Variants in PCDHGA4 observed in about 807,000 individuals in gnomAD.
PCDHGA4 encodes protocadherin gamma-A4.
In PCDHGA4, 38 loss-of-function variants were observed where a neutral mutation model predicts 54.6. The ratio of observed to expected loss-of-function variants is 0.70; its 90% CI spans 0.54 to 0.91. PCDHGA4 has a LOEUF of 0.91. Among genes scored for constraint, PCDHGA4 ranks in the 40% least tolerant of loss-of-function variants. The probability of loss-of-function intolerance (pLI) is 0.00; values close to 1 mark genes in which losing one functional copy is unlikely to be tolerated. For synonymous variants in PCDHGA4, 511 were observed against 512.9 expected (o/e 1.00, Z 0.05); for missense variants, 1,298 against 1,220.9 (o/e 1.06, Z -0.94).
In PCDHGA4 at chr5:141,477,928, C is replaced by T; in HGVS notation, c.2515-16879C>T. On this transcript the variant is annotated intron_variant, in intron 1 of 3. Coordinates refer to ENST00000571252, the MANE Select transcript of PCDHGA4 (RefSeq NM_018917.4). This position sits in a 1 kb window ranked among gnomAD's most constrained non-coding sequence, Gnocchi z 4.9. ...GGGACGCGGATGCAGGGCACAATGC[C>T]TGGCTCTCCTACAGTCTCTTGGGAT... The T allele has an allele frequency of 6.2e-7, 1 of 1,614,186 alleles. No individual in the cohort carries two copies.
At chr5:141,402,971 T>A (rs1589470573) in intron 1 of PCDHGA4, 1 of 1,608,252 alleles carries the variant, frequency 6.2e-7, no homozygotes, top group East Asian at 2.2e-5. Flanking sequence ...TCCAACCAAA[T>A]GCCAGCTCCG....
intron 1 of PCDHGA4, among the ~76,000 whole-genome samples, chr5:141,379,925 A>T (rs1776079128): frequency 2.1e-5 from 1 of 48,106 alleles, no homozygotes; most frequent in East Asian, 5.2e-4. Context: ...TTTTTGTCAG[A>T]GTCTTGCTCT....
At position 141,487,421 on chromosome 5, in the gene PCDHGA4, C is replaced by A. The variant is rs1365581881; in HGVS notation, c.2515-7386C>A. On this transcript the variant is annotated intron_variant, in intron 1 of 3. Coordinates refer to ENST00000571252, the MANE Select transcript of PCDHGA4 (RefSeq NM_018917.4). This position sits in a 1 kb window ranked among gnomAD's most constrained non-coding sequence, Gnocchi z 5.0. ...GGGGCTTCCCCCTTCCAATGGGATC[C>A]TCCGAATCCAGCTAGGGTCAGATGA... 2 of 1,614,026 alleles carry A rather than the reference C, an allele frequency of 1.2e-6. No individual in the cohort carries two copies. Among genetic ancestry groups the A allele is most frequent in the South Asian group, 1.1e-5 (1 of 91,086 alleles).
At chr5:141,364,161 C>T in intron 1 of PCDHGA4, 2 of 652,296 alleles carry the variant, frequency 3.1e-6, no homozygotes, top group Non-Finnish European at 4.6e-6. Flanking sequence ...GCCGCAGAGG[C>T]GACCCGACTC....
chr5:141,489,994 C>A lies in PCDHGA4; in HGVS notation c.2515-4813C>A, dbSNP rs1307285048. The A allele has an allele frequency of 1.2e-5, 19 of 1,614,192 alleles. No individual in the cohort carries two copies. The highest frequency in any genetic ancestry group is 1.6e-4 in the Middle Eastern group (1 of 6,062). On this transcript the variant is annotated intron_variant, in intron 1 of 3. Transcript: ENST00000571252. This position sits in a 1 kb window ranked among gnomAD's most constrained non-coding sequence, Gnocchi z 4.5. Reference sequence around the variant, plus strand: ...ATCCTCAGTTCTACGTGTGGGAATCCCAGAGAATGCACCCATTGGTACTCT... The same window carrying A: ...ATCCTCAGTTCTACGTGTGGGAATCACAGAGAATGCACCCATTGGTACTCT...
chr5:141,500,271 C>T (rs936454651), intron 2 of PCDHGA4, among the ~76,000 whole-genome samples: 3 of 151,598 alleles, frequency 2.0e-5, no homozygotes, highest in African/African-American at 7.3e-5. Flanking sequence ...TGCAGTGGCG[C>T]AATCTCGGCT....
chr5:141,370,507 C>T, intron 1 of PCDHGA4: 3 of 1,613,920 alleles, frequency 1.9e-6, no homozygotes, highest in Non-Finnish European at 2.5e-6. Context: ...TACGCTATTC[C>T]CGAGGAGCTG....
chr5:141,381,932 C>T lies in PCDHGA4; in HGVS notation c.2514+24311C>T, dbSNP rs1205042648. Among the ~76,000 whole-genome samples the T allele has an allele frequency of 2.1e-5, 3 of 144,772 alleles. No homozygotes were observed. The Admixed American group carries it at 2.2e-4, about 11-fold the overall frequency. The allele number at this position is 144,772 out of a possible 152,430, so 95.0% of individuals were successfully genotyped here. A position where few individuals can be genotyped will look rare whatever the true frequency, so the allele number is the denominator to read the frequency against. ...ACAACCTCCACCTCCCGGGTTCAAG[C>T]GATTTTCCTGCCTCAGCCTCCTGAG... is the stretch of plus-strand genomic sequence containing the variant. On this transcript the variant is annotated intron_variant, in intron 1 of 3. Transcript: ENST00000571252.
chr5:141,391,744 C>T (rs559357798), intron 1 of PCDHGA4: 1 of 152,230 alleles, frequency 6.6e-6, no homozygotes, highest in South Asian at 2.1e-4. Context: ...TCATACTTAT[C>T]CTTTGGCTTC....
intron 1 of PCDHGA4, chr5:141,419,810 C>G (rs368168278): frequency 1.7e-5 from 27 of 1,613,946 alleles, no homozygotes; most frequent in Non-Finnish European, 2.1e-5. Context: ...AGATGGAGGA[C>G]AGCCACCCCT....
rs753819389 is a variant in PCDHGA4, at chr5:141,356,694, T to C, written c.1587T>C (p.Gly529=). The C allele has an allele frequency of 1.2e-6, 2 of 1,613,982 alleles. No individual in the cohort carries two copies. Among genetic ancestry groups the C allele is most frequent in the South Asian group, 2.2e-5 (2 of 91,086 alleles). The change falls in exon 1 of 4, where the codon GGT becomes GGC. Residue 529 remains glycine, a synonymous_variant. Coordinates refer to ENST00000571252, the MANE Select transcript of PCDHGA4 (RefSeq NM_018917.4). ...TYSLAEDTFQ[G]APLSSYVSIN... is the part of the protein sequence containing the mutation. The stretch of plus-strand genomic sequence containing the variant: ...CCCTGGCCGAAGACACCTTCCAGGG[T>C]GCACCTCTGTCCTCCTATGTCTCCA...
intron 1 of PCDHGA4, chr5:141,390,882 G>C (rs892294372): frequency 6.5e-6 from 1 of 152,824 alleles, no homozygotes; most frequent in Admixed American, 6.5e-5. Flanking sequence ...GTGTGTGTGT[G>C]TGTGTGAGAG....
Position 141,357,294 on chromosome 5 carries a change from C to A in PCDHGA4, c.2187C>A (p.Ala729=). ...CACTCTATCTCGTGGTGGCAGTGGC[C>A]GCTGTCTCCTGCGTCTTCCTGGCTT... is the stretch of plus-strand genomic sequence containing the variant. ...GLTLYLVVAV[A]AVSCVFLAFV... is the part of the protein sequence containing the mutation. Residue 729 remains alanine (A), a synonymous_variant, in exon 1 of 4, where the codon GCC becomes GCA. Coordinates refer to ENST00000571252, the MANE Select transcript of PCDHGA4 (RefSeq NM_018917.4). 2 of 1,613,992 alleles carry A rather than the reference C, an allele frequency of 1.2e-6. No individual in the cohort carries two copies. The highest frequency in any genetic ancestry group is 1.7e-6 in the Non-Finnish European group (2 of 1,179,878).
In PCDHGA4 at chr5:141,366,458, G is replaced by A. The variant is rs555568322; in HGVS notation, c.2514+8837G>A. 4 of 1,614,092 alleles carry A rather than the reference G, an allele frequency of 2.5e-6. No homozygotes were observed. In the African/African-American group the frequency reaches 4.0e-5, roughly 16 times the overall value. On this transcript the variant is annotated intron_variant, in intron 1 of 3. Coordinates refer to ENST00000571252, the MANE Select transcript of PCDHGA4 (RefSeq NM_018917.4). Reference sequence around the variant, plus strand: ...CTGCGTCTTCCTGGCCTTCGTCATCGTGCTGCTGGTGCTCAGACTGAGGCG... The same window carrying A: ...CTGCGTCTTCCTGGCCTTCGTCATCATGCTGCTGGTGCTCAGACTGAGGCG...
chr5:141,492,471 C>T (rs937691695), intron 1 of PCDHGA4, among the ~76,000 whole-genome samples: 8 of 152,240 alleles, frequency 5.3e-5, no homozygotes, highest in Non-Finnish European at 1.0e-4. Flanking sequence ...GGTCCCAGAT[C>T]GCGGCCGCCC....
In PCDHGA4 at chr5:141,432,645, C is replaced by A. The variant is rs758701539; in HGVS notation, c.2515-62162C>A. ...CTGCACACGGGCGAGGTGCGCACGG[C>A]GCGAGCCCTGCTGGACAGAGACGCG... On this transcript the variant is annotated intron_variant, in intron 1 of 3. Coordinates refer to ENST00000571252, the MANE Select transcript of PCDHGA4 (RefSeq NM_018917.4). This position sits in a 1 kb window ranked among gnomAD's most constrained non-coding sequence, Gnocchi z 6.0. The A allele has an allele frequency of 1.2e-5, 20 of 1,613,628 alleles. No individual in the cohort carries two copies. The highest frequency in any genetic ancestry group is 1.6e-4 in the Middle Eastern group (1 of 6,066).
At position 141,491,369 on chromosome 5, in the gene PCDHGA4, CCTTT is replaced by C; in HGVS notation, c.2515-3435_2515-3432del. ...AGTCTCTTATCCCTAGTCACCTTCACCTTTCTGTCAGCGAAGTGCCTTCAGGGAA... is the reference window on the plus strand; with the variant it reads ...AGTCTCTTATCCCTAGTCACCTTCACCTGTCAGCGAAGTGCCTTCAGGGAA... On this transcript the variant is annotated intron_variant, in intron 1 of 3. Transcript: ENST00000571252. The surrounding 1 kb of genome is among the most constrained non-coding windows in gnomAD (Gnocchi z 6.9). 1 of 1,614,110 alleles carries C rather than the reference CCTTT, an allele frequency of 6.2e-7. No individual in the cohort carries two copies. Among genetic ancestry groups the C allele is most frequent in the Non-Finnish European group, 8.5e-7 (1 of 1,179,996 alleles).
At position 141,370,970 on chromosome 5, in the gene PCDHGA4, A is replaced by G. The variant is rs773655204; in HGVS notation, c.2514+13349A>G. The G allele has an allele frequency of 4.3e-6, 7 of 1,614,032 alleles. 1 individual carries two copies. Among genetic ancestry groups the G allele is most frequent in the East Asian group, 4.5e-5 (2 of 44,890 alleles). The stretch of plus-strand genomic sequence containing the variant: ...AGAACCTGGATGGCAGTAGGTACCC[A>G]GAGCTAGTACTGAAAGCACCCCTGG... On this transcript the variant is annotated intron_variant, in intron 1 of 3. Transcript: ENST00000571252.
At chr5:141,422,880 G>T in intron 1 of PCDHGA4, 1 of 1,614,258 alleles carries the variant, frequency 6.2e-7, no homozygotes, top group East Asian at 2.2e-5. Flanking sequence ...CGCTGAGCCT[G>T]TTCGTGCTGG....
Sources: gnomAD v4.1 joint callset for allele counts (sites outside exome capture counted in the v4.1 genomes callset) on GRCh38, gnomAD v4.1.1 for gene constraint, Gnocchi (gnomAD v3.1) non-coding constraint, MANE v1.5 for transcripts, NCBI Gene and HGNC (gene_info 2026-07-23, HGNC 2026-07-21) for gene names.